SLC22A14: variants seen among roughly 807,000 people sequenced by gnomAD.
The protein encoded by SLC22A14 is organic cation transporter-like 4.
In SLC22A14, 50 loss-of-function variants were observed where a neutral mutation model predicts 53.9. That is an observed-to-expected ratio of 0.93 (90% CI 0.74 to 1.17). The LOEUF is 1.17. Among genes scored for constraint, SLC22A14 ranks in the 50% most tolerant of loss-of-function variants. The pLI, the probability that SLC22A14 is intolerant of heterozygous loss-of-function variation, is 0.00. For missense variants in SLC22A14, 671 were observed against 734.7 expected (o/e 0.91, Z 1.00); for synonymous variants, 312 against 303.0 (o/e 1.03, Z -0.31).
chr3:38,316,618 C>A, intron 10 of SLC22A14, 94 bp downstream of exon 10: 1 of 1,133,188 alleles, frequency 8.8e-7, no homozygotes. Context: ...ATCCCCGCCC[C>A]TCTGCCGGAG....
intron 1 of SLC22A14, among the ~76,000 whole-genome samples, chr3:38,292,625 C>T (rs948538686): frequency 2.6e-5 from 4 of 152,022 alleles, no homozygotes; most frequent in African/African-American, 4.8e-5. Flanking sequence ...GGGGTACTGC[C>T]TTTGGTAGGG....
chr3:38,297,282 G>A (rs1321385197), intron 1 of SLC22A14, among the ~76,000 whole-genome samples: 1 of 152,140 alleles, frequency 6.6e-6, no homozygotes, highest in African/African-American at 2.4e-5. Context: ...CTAGGCTTAG[G>A]GATTCTTAGT....
intron 1 of SLC22A14, among the ~76,000 whole-genome samples, chr3:38,293,670 G>T (rs757904887): frequency 2.3e-4 from 35 of 152,138 alleles, no homozygotes; most frequent in Non-Finnish European, 5.0e-4. Flanking sequence ...TAATTCACAG[G>T]CTTCTTTCTA....
At chr3:38,279,179 C>T (rs978881791), upstream of SLC22A14, among the ~76,000 whole-genome samples, 2 of 152,222 alleles carry the variant, frequency 1.3e-5, no homozygotes, top group African/African-American at 4.8e-5. Context: ...TCACGATTCT[C>T]AGCTTTGAAG....
At chr3:38,299,295 G>A (rs1368992096) in intron 1 of SLC22A14, among the ~76,000 whole-genome samples, 6 of 152,026 alleles carry the variant, frequency 3.9e-5, no homozygotes, top group East Asian at 3.9e-4. Flanking sequence ...CTCCCATTCC[G>A]TCTACCCCAT....
At chr3:38,308,801 G>C (rs1704386286) in intron 4 of SLC22A14, among the ~76,000 whole-genome samples, 153 bp from the exon 5 acceptor site, 1 of 152,226 alleles carries the variant, frequency 6.6e-6, no homozygotes, top group African/African-American at 2.4e-5. Context: ...GCTCTGAGGG[G>C]CTGTCTCTGG....
chr3:38,284,788 G>C (rs1299661964), intron 1 of SLC22A14, among the ~76,000 whole-genome samples: 1 of 152,078 alleles, frequency 6.6e-6, no homozygotes, highest in Non-Finnish European at 1.5e-5. Context: ...CAGAGACAAG[G>C]GTTCTCATCA....
At chr3:38,294,735 T>C (rs1266734641) in intron 1 of SLC22A14, among the ~76,000 whole-genome samples, 1 of 152,114 alleles carries the variant, frequency 6.6e-6, no homozygotes, top group Non-Finnish European at 1.5e-5. Context: ...TTTTCCCACC[T>C]TTCTTGACCA....
chr3:38,284,147 C>T (rs151194889), intron 1 of SLC22A14, among the ~76,000 whole-genome samples: 17 of 152,312 alleles, frequency 1.1e-4, no homozygotes, highest in South Asian at 2.1e-4. Context: ...GAGGCATCCC[C>T]CTCGTGTGAC....
intron 5 of SLC22A14, among the ~76,000 whole-genome samples, chr3:38,311,177 A>T (rs1704458500): frequency 6.6e-6 from 1 of 152,176 alleles, no homozygotes; most frequent in Non-Finnish European, 1.5e-5. Context: ...CACTTCCATG[A>T]ACTGGATTCC....
At position 38,313,802 on chromosome 3, in the gene SLC22A14, CGTG is replaced by C; in HGVS notation, c.1242_1244del (p.Val415del). The stretch of plus-strand genomic sequence containing the variant: ...TGGGCGTGAGCGTCCACTTCAGACA[CGTG>C]GTCCCCAGCATCATGGAGGTGCCTG... On this transcript the variant is annotated inframe_deletion, in exon 8 of 11. Transcript: ENST00000448498. 6.2e-7 allele frequency: 1 copy of C among 1,613,202 alleles called. No homozygotes were observed. The highest frequency in any genetic ancestry group is 8.5e-7 in the Non-Finnish European group (1 of 1,179,626).
rs1234605464 is a variant in SLC22A14, at chr3:38,313,128, C to T, written c.1065+9C>T. The stretch of plus-strand genomic sequence containing the variant: ...CAAATCTGCTGGACGAGGTAAAGGG[C>T]TTCTGGCCAGGAGTGGGGCCGGAGC... On this transcript the variant is annotated intron_variant, in intron 6 of 10. Coordinates refer to ENST00000448498, the MANE Select transcript of SLC22A14 (RefSeq NM_001320033.2). 9 of 1,610,324 alleles carry T rather than the reference C, an allele frequency of 5.6e-6. No homozygotes were observed. The highest frequency in any genetic ancestry group is 3.4e-5 in the Admixed American group (2 of 59,480).
At chr3:38,304,449 G>A (rs555582365) in intron 1 of SLC22A14, among the ~76,000 whole-genome samples, 18 of 152,034 alleles carry the variant, frequency 1.2e-4, no homozygotes, top group African/African-American at 2.7e-4. Context: ...GTGCGGTGGC[G>A]TGATCATGGC....
chr3:38,284,813 C>T (rs901983884), intron 1 of SLC22A14, among the ~76,000 whole-genome samples: 20 of 151,856 alleles, frequency 1.3e-4, no homozygotes, highest in South Asian at 4.1e-4. Flanking sequence ...ACGAAATGAC[C>T]GAAAAGCAAT....
At chr3:38,315,771 G>A (rs1704603557) in intron 9 of SLC22A14, 60 bp downstream of exon 9, 1 of 1,519,404 alleles carries the variant, frequency 6.6e-7, no homozygotes, top group African/African-American at 1.4e-5. Flanking sequence ...ACAATGACAA[G>A]ATTAATGCAG....
intron 1 of SLC22A14, among the ~76,000 whole-genome samples, chr3:38,289,180 C>CAAAAA (rs1173451784): frequency 3.3e-3 from 173 of 52,934 alleles, no homozygotes; most frequent in African/African-American, 3.8e-3. Context: ...TCTATCTCTA[C>CAAAAA]AAAAAAAAAA....
chr3:38,311,907 C>T (rs920239903), intron 5 of SLC22A14, among the ~76,000 whole-genome samples: 4 of 152,118 alleles, frequency 2.6e-5, no homozygotes, highest in African/African-American at 9.7e-5. Flanking sequence ...TTTTCTTATT[C>T]CTGTTTTTTC....
Position 38,313,782 on chromosome 3 carries a change from G to T in SLC22A14, c.1219G>T (p.Val407Leu). Residue 407 changes from valine (V) to leucine (L), a missense_variant, in exon 8 of 11, where the codon GTG becomes TTG. By Grantham distance (32) the Val-to-Leu change is conservative. Transcript: ENST00000448498. ...GAGCCTGAGAATGAGAGAGCTGGGC[G>T]TGAGCGTCCACTTCAGACACGTGGT... is the stretch of plus-strand genomic sequence containing the variant. ...TLSLRMRELG[V>L]SVHFRHVVPS... 1 of 1,606,900 alleles carries T rather than the reference G, an allele frequency of 6.2e-7. No individual in the cohort carries two copies. Among genetic ancestry groups the T allele is most frequent in the Non-Finnish European group, 8.5e-7 (1 of 1,176,578 alleles).
chr3:38,302,043 G>A (rs1350333374), intron 1 of SLC22A14, among the ~76,000 whole-genome samples: 1 of 150,800 alleles, frequency 6.6e-6, no homozygotes, highest in Non-Finnish European at 1.5e-5. Flanking sequence ...GACCAGCCTG[G>A]CCAACATGGT....
Sources: allele counts gnomAD v4.1 joint callset (sites outside exome capture counted in the v4.1 genomes callset), GRCh38; gene constraint gnomAD v4.1.1; transcripts MANE v1.5; gene names NCBI Gene and HGNC (gene_info 2026-07-23, HGNC 2026-07-21).